The following NR3C2 variants were observed in gnomAD, a reference collection of about 807,000 sequenced individuals.
NR3C2 encodes nuclear receptor subfamily 3 group C member 2, also known as mineralocorticoid receptor.
A neutral mutation model predicts 86.4 loss-of-function variants in NR3C2; 15 were observed. The ratio of observed to expected loss-of-function variants is 0.17; its 90% confidence interval spans 0.12 to 0.27. The LOEUF (loss-of-function observed/expected upper bound fraction) is 0.27, where lower values mean the gene tolerates loss of function less well. Ranked by LOEUF, NR3C2 falls within the 10% of genes least tolerant of loss-of-function variation. The probability of loss-of-function intolerance (pLI) is 1.00; values close to 1 mark genes in which losing one functional copy is unlikely to be tolerated. For missense variants in NR3C2, 960 were observed against 1,195.6 expected, an observed-to-expected ratio of 0.80 and a Z score of 2.91; for synonymous variants, 458 against 450.5, an observed-to-expected ratio of 1.02 and a Z score of -0.21.
At chr4:148,097,602 G>T (rs1324557419) in intron 8 of NR3C2, among the ~76,000 whole-genome samples, 1 of 152,110 alleles carries the variant, frequency 6.6e-6, no homozygotes, top group East Asian at 1.9e-4. Flanking sequence ...AGAATCAAAG[G>T]CTTTTGTTTA....
Position 148,392,866 on chromosome 4 carries a change from C to T in NR3C2, c.1757+42238G>A, listed in dbSNP as rs1025096086. On this transcript the variant is annotated intron_variant, in intron 2 of 8. Transcript: ENST00000358102. Reference sequence around the variant, plus strand: ...CCCCTTGGTTTTGTGGTGAATGATACACCTCCATAGTATCTTTCATAGGTA... The same window carrying T: ...CCCCTTGGTTTTGTGGTGAATGATATACCTCCATAGTATCTTTCATAGGTA... Among the ~76,000 whole-genome samples, 5 of 152,144 alleles carry T rather than the reference C, an allele frequency of 3.3e-5. No individual in the cohort carries two copies. The South Asian group carries it at 1.0e-3, about 32-fold the overall frequency.
At chr4:148,210,336 G>A (rs1737221839) in intron 3 of NR3C2, among the ~76,000 whole-genome samples, 4 of 151,970 alleles carry the variant, frequency 2.6e-5, no homozygotes, top group South Asian at 2.1e-4. Flanking sequence ...GAACACAGGC[G>A]CATGCCACCA....
chr4:148,204,156 C>T (rs186738876), intron 3 of NR3C2, among the ~76,000 whole-genome samples: 1 of 152,056 alleles, frequency 6.6e-6, no homozygotes, highest in East Asian at 1.9e-4. Flanking sequence ...AAAAGATAAT[C>T]AAAGATAATA....
At chr4:148,372,626 T>C (rs1171176495) in intron 2 of NR3C2, among the ~76,000 whole-genome samples, 2 of 152,188 alleles carry the variant, frequency 1.3e-5, no homozygotes, top group Non-Finnish European at 2.9e-5. Flanking sequence ...TGAAACATTA[T>C]AAAAAGTGGC....
At chr4:148,193,176 T>C (rs1736282134) in intron 4 of NR3C2, among the ~76,000 whole-genome samples, 1 of 152,196 alleles carries the variant, frequency 6.6e-6, no homozygotes, top group African/African-American at 2.4e-5. Context: ...TCTACCCTTG[T>C]ATTTCACTGG....
intron 3 of NR3C2, among the ~76,000 whole-genome samples, chr4:148,207,511 T>C (rs1471482442): frequency 1.3e-5 from 2 of 152,240 alleles, no homozygotes; most frequent in African/African-American, 2.4e-5. Flanking sequence ...AATAGCTTAG[T>C]TCTTATTTAC....
At chr4:148,318,848 T>C (rs1244003139) in intron 2 of NR3C2, among the ~76,000 whole-genome samples, 2 of 152,180 alleles carry the variant, frequency 1.3e-5, no homozygotes, top group Non-Finnish European at 2.9e-5. Context: ...CTGATGGTAG[T>C]TTCTTTTGCT....
chr4:148,141,445 C>G (rs1398054244), intron 6 of NR3C2, among the ~76,000 whole-genome samples: 1 of 109,852 alleles, frequency 9.1e-6, no homozygotes, highest in Non-Finnish European at 1.8e-5. Context: ...CTCCCTCTCT[C>G]TCACACACAC....
In NR3C2 at chr4:148,135,514, A is replaced by G. The variant is rs1257987605; in HGVS notation, c.2511-15226T>C. Among the ~76,000 whole-genome samples the G allele has an allele frequency of 3.9e-5, 6 of 152,178 alleles. No individual in the cohort carries two copies. The East Asian group carries it at 1.2e-3, about 29-fold the overall frequency. ...CTTCTCAGCCTCTAGGACTGTAAGA[A>G]AATAAATTTCTATTGTTTATACATT... On this transcript the variant is annotated intron_variant, in intron 6 of 8. Coordinates refer to ENST00000358102, the MANE Select transcript of NR3C2 (RefSeq NM_000901.5).
chr4:148,428,780 G>A (rs1749667713), intron 2 of NR3C2, among the ~76,000 whole-genome samples: 1 of 152,016 alleles, frequency 6.6e-6, no homozygotes, highest in South Asian at 2.1e-4. Flanking sequence ...CTACACAGCT[G>A]AAATAATTTC....
chr4:148,213,936 C>T (rs892332932), intron 3 of NR3C2, among the ~76,000 whole-genome samples: 5 of 152,176 alleles, frequency 3.3e-5, no homozygotes, highest in Non-Finnish European at 1.5e-5. Context: ...ATATTAAATA[C>T]TAACTTGAAT....
chr4:148,430,347 T>C (rs72645617), intron 2 of NR3C2, among the ~76,000 whole-genome samples: 4 of 152,152 alleles, frequency 2.6e-5, no homozygotes, highest in African/African-American at 9.6e-5. Flanking sequence ...AAACCTACGA[T>C]ATTTGTGATG....
At chr4:148,169,355 C>T (rs1735021630) in intron 4 of NR3C2, among the ~76,000 whole-genome samples, 1 of 151,946 alleles carries the variant, frequency 6.6e-6, no homozygotes. Flanking sequence ...TTGCAGGGAG[C>T]TCCTCTCAAA....
At chr4:148,427,598 C>T (rs954532832) in intron 2 of NR3C2, among the ~76,000 whole-genome samples, 13 of 151,520 alleles carry the variant, frequency 8.6e-5, no homozygotes, top group African/African-American at 2.7e-4. Context: ...CAGCCCAGCA[C>T]GGGAGTCTGT....
rs182980693 is a variant in NR3C2 at position 148,412,178 on chromosome 4, A to C, written c.1757+22926T>G. On this transcript the variant is annotated intron_variant, in intron 2 of 8. Transcript: ENST00000358102. ...ATCACGACTGAGACTCGGTGAACACAATAAACATCCAAGGCAGCACTGACC... is the reference window on the plus strand; with the variant it reads ...ATCACGACTGAGACTCGGTGAACACCATAAACATCCAAGGCAGCACTGACC... Among the ~76,000 whole-genome samples the C allele has an allele frequency of 1.7e-4, 26 of 152,282 alleles. No individual in the cohort carries two copies. The East Asian group carries it at 5.0e-3, about 29-fold the overall frequency.
At chr4:148,175,785 CTTGAT>C (rs1735347146) in intron 4 of NR3C2, among the ~76,000 whole-genome samples, 1 of 152,016 alleles carries the variant, frequency 6.6e-6, no homozygotes, top group Non-Finnish European at 1.5e-5. Flanking sequence ...TTAAGAATGG[CTTGAT>C]TTGAAGACTG....
chr4:148,135,688 G>T (rs1733267983), intron 6 of NR3C2, among the ~76,000 whole-genome samples: 1 of 52,616 alleles, frequency 1.9e-5, no homozygotes, highest in African/African-American at 8.3e-5. Flanking sequence ...TGATGGAGCT[G>T]CAAAAAAAAA....
intron 3 of NR3C2, among the ~76,000 whole-genome samples, chr4:148,220,080 A>C (rs1737755599): frequency 7.8e-6 from 1 of 128,686 alleles, no homozygotes; most frequent in Non-Finnish European, 1.7e-5. Context: ...ACACCACTAC[A>C]CCCAGCTAAT....
intron 8 of NR3C2, among the ~76,000 whole-genome samples, chr4:148,090,747 C>T (rs1308161450): frequency 1.3e-5 from 2 of 152,220 alleles, no homozygotes; most frequent in East Asian, 1.9e-4. Context: ...CCAGACACTA[C>T]TCAATAACAA....
Sources: gnomAD v4.1 joint callset for allele counts (sites outside exome capture counted in the v4.1 genomes callset) on GRCh38, gnomAD v4.1.1 for gene constraint, MANE v1.5 for transcripts, NCBI Gene and HGNC (gene_info 2026-07-23, HGNC 2026-07-21) for gene names.